The following MARCHF1 variants were observed in gnomAD, a reference collection of about 807,000 sequenced individuals.
MARCHF1 encodes E3 ubiquitin-protein ligase MARCHF1.
A neutral mutation model predicts 54.2 loss-of-function variants in MARCHF1; 40 were observed. The ratio of observed to expected loss-of-function variants is 0.74; its 90% confidence interval spans 0.57 to 0.96. MARCHF1 has a LOEUF of 0.96. MARCHF1 is among the 40% of genes least tolerant of loss of function. The pLI, the probability that MARCHF1 is intolerant of heterozygous loss-of-function variation, is 0.00. For missense variants in MARCHF1, 586 were observed against 656.5 expected (o/e 0.89, Z 1.17); for synonymous variants, 236 against 236.3 (o/e 1.00, Z 0.01).
At chr4:164,232,491 C>A (rs1032828906) in intron 1 of MARCHF1, among the ~76,000 whole-genome samples, 1 of 151,940 alleles carries the variant, frequency 6.6e-6, no homozygotes, top group East Asian at 1.9e-4. Flanking sequence ...TAGCCAATAG[C>A]CAAAAATGCA....
chr4:163,638,098 G>T (rs962628483), intron 5 of MARCHF1, among the ~76,000 whole-genome samples: 2 of 111,772 alleles, frequency 1.8e-5, no homozygotes, highest in Non-Finnish European at 3.5e-5. Context: ...GTTGTGGGGT[G>T]GGGGGAGGGG....
Position 164,267,446 on chromosome 4 carries a change from C to T in MARCHF1, c.-323+116424G>A, listed in dbSNP as rs116682561. ...CTCTCACTTGAATGAAGCCAACTGG[C>T]GTGCTGTCAGTGGCCCAGTGTAAGT... On this transcript the variant is annotated intron_variant, in intron 1 of 9. Coordinates refer to ENST00000514618, the MANE Select transcript of MARCHF1 (RefSeq NM_001394959.1). 2.2e-3 allele frequency among the ~76,000 whole-genome samples: 339 copies of T among 152,152 alleles called. 2 individuals are homozygous for T. The highest frequency in any genetic ancestry group is 7.4e-3 in the African/African-American group (307 of 41,564).
At chr4:164,024,508 G>T (rs1009291860) in intron 2 of MARCHF1, among the ~76,000 whole-genome samples, 2 of 152,096 alleles carry the variant, frequency 1.3e-5, no homozygotes, top group African/African-American at 4.8e-5. Context: ...AAGTGAAGGA[G>T]AAATAAAATC....
At chr4:163,900,351 T>TAA (rs35805253) in intron 3 of MARCHF1, among the ~76,000 whole-genome samples, 2 of 150,486 alleles carry the variant, frequency 1.3e-5, no homozygotes, top group African/African-American at 2.4e-5. Flanking sequence ...TTTTTTTTTT[T>TAA]AAAAAAACTC....
rs569050684 is a variant in MARCHF1 at position 164,248,744 on chromosome 4, A to AT, written c.-323+135125_-323+135126insA. Among the ~76,000 whole-genome samples the AT allele has an allele frequency of 2.8e-3, 433 of 152,066 alleles. 2 individuals are homozygous for AT. The highest frequency in any genetic ancestry group is 9.7e-3 in the African/African-American group (403 of 41,512). On this transcript the variant is annotated intron_variant, in intron 1 of 9. Coordinates refer to ENST00000514618, the MANE Select transcript of MARCHF1 (RefSeq NM_001394959.1). ...AAATTAGGAAAACAATTGTTAAAAA[A>AT]ATATATATATTACTGGCAACATCTC... is the stretch of plus-strand genomic sequence containing the variant.
At chr4:163,813,799 G>T (rs984935047) in intron 4 of MARCHF1, among the ~76,000 whole-genome samples, 9 of 152,150 alleles carry the variant, frequency 5.9e-5, no homozygotes, top group African/African-American at 1.2e-4. Flanking sequence ...GAAGCTGAGT[G>T]TTGGGAGAAG....
intron 1 of MARCHF1, among the ~76,000 whole-genome samples, chr4:164,167,431 T>A (rs1730410473): frequency 6.6e-6 from 1 of 151,378 alleles, no homozygotes; most frequent in Non-Finnish European, 1.5e-5. Context: ...GAAAAACAAA[T>A]CCTAAAATTC....
At chr4:163,642,137 T>C (rs962794888) in intron 5 of MARCHF1, among the ~76,000 whole-genome samples, 1 of 152,194 alleles carries the variant, frequency 6.6e-6, no homozygotes, top group Non-Finnish European at 1.5e-5. Context: ...ACTCAACACA[T>C]TTAACTGAGC....
At chr4:164,129,652 G>A (rs1756259836) in intron 1 of MARCHF1, among the ~76,000 whole-genome samples, 1 of 152,152 alleles carries the variant, frequency 6.6e-6, no homozygotes, top group South Asian at 2.1e-4. Context: ...TTGCCTCAGT[G>A]TAGATTGTTT....
At chr4:163,796,416 T>A (rs1395437301) in intron 4 of MARCHF1, among the ~76,000 whole-genome samples, 1 of 151,902 alleles carries the variant, frequency 6.6e-6, no homozygotes, top group East Asian at 1.9e-4. Context: ...AAATTGCAAC[T>A]TTTATAAGTA....
At chr4:164,210,869 T>C (rs995904254) in intron 1 of MARCHF1, among the ~76,000 whole-genome samples, 21 of 152,144 alleles carry the variant, frequency 1.4e-4, no homozygotes, top group Non-Finnish European at 2.9e-4. Context: ...AAAACTATTC[T>C]GCCTTTATAA....
intron 1 of MARCHF1, among the ~76,000 whole-genome samples, chr4:164,322,128 C>A (rs1048139918): frequency 6.6e-6 from 1 of 151,854 alleles, no homozygotes; most frequent in Non-Finnish European, 1.5e-5. Flanking sequence ...AGAACAGTTT[C>A]TTTTAGAGAA....
chr4:163,560,530 A>T (rs527518634), intron 8 of MARCHF1, among the ~76,000 whole-genome samples: 145 of 152,248 alleles, frequency 9.5e-4, no homozygotes, highest in African/African-American at 3.2e-3. Context: ...TTGAAGTTTA[A>T]AATTATTTTG....
chr4:164,036,846 A>G (rs1579480087), intron 2 of MARCHF1, among the ~76,000 whole-genome samples: 3 of 152,296 alleles, frequency 2.0e-5, no homozygotes, highest in Admixed American at 2.0e-4. Flanking sequence ...GGGGCAATGT[A>G]ATTTTGAAAA....
intron 2 of MARCHF1, among the ~76,000 whole-genome samples, chr4:164,006,354 T>C (rs1753287937): frequency 6.6e-6 from 1 of 151,758 alleles, no homozygotes; most frequent in Non-Finnish European, 1.5e-5. Context: ...CTCTCAACAG[T>C]AGAGTGGACA....
intron 1 of MARCHF1, among the ~76,000 whole-genome samples, chr4:164,343,628 C>T (rs1021496780): frequency 3.3e-5 from 5 of 152,118 alleles, no homozygotes; most frequent in Non-Finnish European, 5.9e-5. Context: ...TGAAAAATTG[C>T]TCAGTATCAC....
At chr4:164,020,292 T>C (rs1753633403) in intron 2 of MARCHF1, among the ~76,000 whole-genome samples, 1 of 152,180 alleles carries the variant, frequency 6.6e-6, no homozygotes, top group Admixed American at 6.5e-5. Context: ...TCTAGTGATG[T>C]TATACCAAGA....
intron 3 of MARCHF1, among the ~76,000 whole-genome samples, chr4:163,884,964 C>T (rs1243319771): frequency 6.6e-6 from 1 of 152,136 alleles, no homozygotes; most frequent in African/African-American, 2.4e-5. Context: ...TGCATTTCTT[C>T]CCTCTGCAGA....
At position 163,938,636 on chromosome 4, in the gene MARCHF1, G is replaced by A. The variant is rs140793356; in HGVS notation, c.-39+49865C>T. Among the ~76,000 whole-genome samples the A allele has an allele frequency of 6.1e-3, 930 of 152,188 alleles. 5 individuals carry two copies. The highest frequency in any genetic ancestry group is 0.012 in the Non-Finnish European group (804 of 68,000). On this transcript the variant is annotated intron_variant, in intron 3 of 9. Coordinates refer to ENST00000514618, the MANE Select transcript of MARCHF1 (RefSeq NM_001394959.1). ...CCTGAAGGATGCACCTGTACTAGTCGGGTTTCATGCTGTTATGAAGAAATA... is the reference window on the plus strand; with the variant it reads ...CCTGAAGGATGCACCTGTACTAGTCAGGTTTCATGCTGTTATGAAGAAATA...
Sources: gnomAD v4.1 joint callset for allele counts (sites outside exome capture counted in the v4.1 genomes callset) on GRCh38, gnomAD v4.1.1 for gene constraint, MANE v1.5 for transcripts, NCBI Gene and HGNC (gene_info 2026-07-23, HGNC 2026-07-21) for gene names.